GALC: variants seen among roughly 807,000 people sequenced by gnomAD.
GALC encodes galactocerebrosidase.
GALC carries 77 observed loss-of-function variants against 91.8 expected under a neutral mutation model. The observed-to-expected ratio is 0.84, with a 90% CI of 0.70 to 1.01. The LOEUF is 1.01. Ranked by LOEUF, GALC falls within the 50% of genes least tolerant of loss-of-function variation. The probability of loss-of-function intolerance (pLI) is 0.00; values close to 1 mark genes in which losing one functional copy is unlikely to be tolerated. For missense variants in GALC, 882 were observed against 855.9 expected (o/e 1.03, Z -0.38); for synonymous variants, 357 against 306.7 (o/e 1.16, Z -1.71).
At chr14:87,941,177 A>G (rs1035337493) in intron 15 of GALC, among the ~76,000 whole-genome samples, 1 of 151,892 alleles carries the variant, frequency 6.6e-6, no homozygotes, top group African/African-American at 2.4e-5. Context: ...AAAGCTTTGT[A>G]CAATTATTTT....
chr14:87,941,973 A>T (rs541502725), intron 14 of GALC, among the ~76,000 whole-genome samples: 72 of 114,148 alleles, frequency 6.3e-4, no homozygotes, highest in Admixed American at 1.7e-3. Context: ...GAGGCAATGA[A>T]GGCAATGCTA....
At chr14:87,984,353 A>G in intron 5 of GALC, 41 bp downstream of exon 5, 1 of 1,570,098 alleles carries the variant, frequency 6.4e-7, no homozygotes, top group Non-Finnish European at 8.7e-7. Flanking sequence ...AATTACAAAC[A>G]AATGTCCAAA....
At chr14:87,959,151 T>G (rs28821481) in intron 10 of GALC, among the ~76,000 whole-genome samples, 27 of 152,072 alleles carry the variant, frequency 1.8e-4, no homozygotes, top group African/African-American at 6.5e-4. Flanking sequence ...CAGTTTAAAA[T>G]TGGGCAAAAG....
intron 6 of GALC, among the ~76,000 whole-genome samples, chr14:87,978,121 C>T (rs776019237): frequency 1.3e-5 from 2 of 152,278 alleles, no homozygotes; most frequent in East Asian, 1.9e-4. Context: ...GGCATGATAT[C>T]GGCTCACTGC....
At chr14:87,955,988 TA>T (rs537861698) in intron 10 of GALC, among the ~76,000 whole-genome samples, 2,502 of 148,056 alleles carry the variant, frequency 0.017, 65 homozygotes, top group African/African-American at 0.058. Context: ...AGTGACAGTT[TA>T]AAAAAAAAAA....
At chr14:87,954,102 T>C (rs1595202515) in intron 10 of GALC, 5 of 1,609,672 alleles carry the variant, frequency 3.1e-6, no homozygotes, top group East Asian at 2.2e-5. Context: ...GAGTTATTCA[T>C]CTATTCAGCC....
At chr14:87,986,653 C>T (rs1400846902) in intron 3 of GALC, 51 bp from the exon 4 acceptor site, 3 of 1,096,536 alleles carry the variant, frequency 2.7e-6, no homozygotes, top group Non-Finnish European at 4.2e-6. Context: ...ATGGTACTTC[C>T]TAGGACCATC....
chr14:87,952,631 A>G lies in GALC; in HGVS notation c.1162-1883T>C, dbSNP rs1885359592. The G allele has an allele frequency of 6.5e-6, 10 of 1,531,478 alleles. No individual in the cohort carries two copies. The South Asian group carries it at 7.9e-5, about 12-fold the overall frequency. 94.9% of individuals were successfully genotyped at this position (1,531,478 alleles called of 1,614,324 possible). A position where few individuals can be genotyped will look rare whatever the true frequency, so the allele number is the denominator to read the frequency against. ...AGCTTTTATACAGTCAACATTCTTT[A>G]TATCTGAAGGATGAAAAACAGCACA... On this transcript the variant is annotated intron_variant, in intron 10 of 16. Transcript: ENST00000261304.
chr14:87,978,756 T>C (rs535256861), intron 6 of GALC, among the ~76,000 whole-genome samples: 2 of 151,894 alleles, frequency 1.3e-5, no homozygotes, highest in East Asian at 1.9e-4. Context: ...CTAGATGAGA[T>C]TTTCCAGACA....
At chr14:87,955,690 TA>T (rs1330373679) in intron 10 of GALC, among the ~76,000 whole-genome samples, 1 of 152,098 alleles carries the variant, frequency 6.6e-6, no homozygotes, top group African/African-American at 2.4e-5. Flanking sequence ...TGTCTTTCTA[TA>T]AAAAGCATTG....
At chr14:87,952,545 A>C (rs1482587541) in intron 10 of GALC, 3 of 858,404 alleles carry the variant, frequency 3.5e-6, no homozygotes, top group Non-Finnish European at 5.8e-6. Context: ...TCCACTAAAA[A>C]TGACAGTATC....
chr14:87,979,566 C>T (rs118144075), intron 6 of GALC, among the ~76,000 whole-genome samples: 1 of 152,280 alleles, frequency 6.6e-6, no homozygotes, highest in Non-Finnish European at 1.5e-5. Flanking sequence ...CAGCAACAGA[C>T]TCTTAATAGT....
At chr14:87,992,894 C>G in intron 1 of GALC, 76 bp downstream of exon 1, 1 of 1,439,548 alleles carries the variant, frequency 6.9e-7, no homozygotes, top group Non-Finnish European at 9.1e-7. Flanking sequence ...AGGGCAACGC[C>G]GCGGGGGCTT....
intron 10 of GALC, chr14:87,953,816 T>A: frequency 6.2e-7 from 1 of 1,608,240 alleles, no homozygotes; most frequent in Non-Finnish European, 8.5e-7. Flanking sequence ...GCCAGAAGTA[T>A]GATTGTTTAG....
In GALC at chr14:87,934,461, AAC is replaced by A; in HGVS notation, c.*269_*270del. On this transcript the variant is annotated 3_prime_UTR_variant, in exon 17 of 17. Transcript: ENST00000261304. ...AAGGCTTCGAGGTCTGTACTACTCA[AAC>A]CACTCCTAAGGGTATGGCCAATGCA... is the stretch of plus-strand genomic sequence containing the variant. 2 of 1,351,192 alleles carry A rather than the reference AAC, an allele frequency of 1.5e-6. No homozygotes were observed. The highest frequency in any genetic ancestry group is 9.5e-7 in the Non-Finnish European group (1 of 1,049,430). 83.7% of individuals were successfully genotyped at this position (1,351,192 alleles called of 1,614,324 possible).
At position 87,934,142 on chromosome 14, in the gene GALC, A is replaced by G. The variant is rs1042029; in HGVS notation, c.*590T>C. The stretch of plus-strand genomic sequence containing the variant: ...GTTAGAGGTAGTTTATTAAAGAGGC[A>G]TTTTTAAAATCATCCCACTCATCAT... On this transcript the variant is annotated 3_prime_UTR_variant, in exon 17 of 17. Coordinates refer to ENST00000261304, the MANE Select transcript of GALC (RefSeq NM_000153.4). The G allele has an allele frequency of 0.52, 742,356 of 1,416,104 alleles. 199,782 individuals are homozygous for G. The highest frequency in any genetic ancestry group is 0.76 in the East Asian group (29,997 of 39,644). The allele number at this position is 1,416,104 out of a possible 1,614,324, so 87.7% of individuals were successfully genotyped here.
intron 1 of GALC, among the ~76,000 whole-genome samples, chr14:87,990,149 C>T (rs902400021): frequency 3.3e-5 from 5 of 152,156 alleles, no homozygotes; most frequent in Admixed American, 1.3e-4. Flanking sequence ...CCCGGCACTC[C>T]TTTATTTTTC....
At chr14:87,982,148 C>A in intron 6 of GALC, 57 bp downstream of exon 6, 3 of 919,496 alleles carry the variant, frequency 3.3e-6, no homozygotes, top group South Asian at 1.5e-5. Flanking sequence ...TGTTAGGAAC[C>A]ATAAGGAATT....
intron 10 of GALC, chr14:87,954,155 C>T: frequency 6.2e-7 from 1 of 1,602,352 alleles, no homozygotes; most frequent in African/African-American, 1.3e-5. Context: ...TACTTCAAGA[C>T]CTACTGGCAC....
Sources: allele counts gnomAD v4.1 joint callset (sites outside exome capture counted in the v4.1 genomes callset), GRCh38; gene constraint gnomAD v4.1.1; transcripts MANE v1.5; gene names NCBI Gene and HGNC (gene_info 2026-07-23, HGNC 2026-07-21).